ZNF521: variants seen among roughly 807,000 people sequenced by gnomAD.
The protein encoded by ZNF521 is LYST-interacting protein 3.
ZNF521 carries 14 observed loss-of-function variants against 105.5 expected under a neutral mutation model. That is an observed-to-expected ratio of 0.13 (90% CI 0.09 to 0.21). The LOEUF (loss-of-function observed/expected upper bound fraction) is 0.21. Among genes scored for constraint, ZNF521 ranks in the 10% least tolerant of loss-of-function variants. ZNF521 has a pLI of 1.00. For synonymous variants in ZNF521, 635 were observed against 606.0 expected (o/e 1.05, Z -0.70); for missense variants, 1,233 against 1,629.7 (o/e 0.76, Z 4.19).
intron 5 of ZNF521, among the ~76,000 whole-genome samples, chr18:25,168,052 G>C (rs184689125): frequency 6.6e-6 from 1 of 152,148 alleles, no homozygotes; most frequent in Non-Finnish European, 1.5e-5. Context: ...AAGAGACTCC[G>C]AGTCAGTCTT....
At chr18:25,068,967 G>A (rs764596534) in intron 7 of ZNF521, among the ~76,000 whole-genome samples, 1 of 152,126 alleles carries the variant, frequency 6.6e-6, no homozygotes, top group Non-Finnish European at 1.5e-5. Flanking sequence ...GACATATACC[G>A]CATTCTACCT....
chr18:25,344,305 A>C (rs2145217804), intron 2 of ZNF521, among the ~76,000 whole-genome samples: 1 of 152,106 alleles, frequency 6.6e-6, no homozygotes, highest in South Asian at 2.1e-4. Context: ...ACCATTTAAA[A>C]GCTTTCCTTA....
intron 4 of ZNF521, among the ~76,000 whole-genome samples, chr18:25,212,415 C>T (rs1442218963): frequency 2.8e-5 from 4 of 141,886 alleles, no homozygotes; most frequent in Admixed American, 7.3e-5. Context: ...GAGGCTGAGG[C>T]AGGAGAATCA....
intron 6 of ZNF521, among the ~76,000 whole-genome samples, chr18:25,091,394 A>C (rs951122542): frequency 1.3e-5 from 2 of 152,154 alleles, no homozygotes; most frequent in African/African-American, 4.8e-5. Flanking sequence ...TCTTCTTAAA[A>C]GTATAAGTGT....
intron 5 of ZNF521, among the ~76,000 whole-genome samples, chr18:25,120,306 G>A (rs1335370196): frequency 6.6e-6 from 1 of 152,190 alleles, no homozygotes; most frequent in Non-Finnish European, 1.5e-5. Context: ...GATCAGGCCA[G>A]GCATGGTGGC....
At chr18:25,268,471 A>C (rs1287783875) in intron 3 of ZNF521, among the ~76,000 whole-genome samples, 1 of 152,228 alleles carries the variant, frequency 6.6e-6, no homozygotes, top group Non-Finnish European at 1.5e-5. Flanking sequence ...ACCAAGACAC[A>C]TAATCGTCAG....
chr18:25,163,085 T>C (rs2035277944), intron 5 of ZNF521, among the ~76,000 whole-genome samples: 1 of 152,306 alleles, frequency 6.6e-6, no homozygotes, highest in African/African-American at 2.4e-5. Flanking sequence ...CATAGCTAGT[T>C]AGTAGCTGAA....
intron 5 of ZNF521, among the ~76,000 whole-genome samples, chr18:25,168,535 G>A (rs1272898301): frequency 6.6e-5 from 10 of 152,110 alleles, no homozygotes; most frequent in Non-Finnish European, 1.5e-4. Context: ...CCAACAAAAA[G>A]CAGTCCACAA....
At chr18:25,115,829 T>C (rs967276863) in intron 5 of ZNF521, among the ~76,000 whole-genome samples, 2 of 152,186 alleles carry the variant, frequency 1.3e-5, no homozygotes, top group Non-Finnish European at 2.9e-5. Context: ...AGGCTGGTTG[T>C]CTATTCAGCC....
At chr18:25,266,925 A>C (rs1425578067) in intron 3 of ZNF521, among the ~76,000 whole-genome samples, 2 of 152,160 alleles carry the variant, frequency 1.3e-5, no homozygotes, top group East Asian at 3.9e-4. Flanking sequence ...CCAGCTAGAC[A>C]GTACCGTTCA....
chr18:25,111,915 G>A (rs2034198732), intron 5 of ZNF521, among the ~76,000 whole-genome samples: 1 of 152,196 alleles, frequency 6.6e-6, no homozygotes, highest in Admixed American at 6.5e-5. Flanking sequence ...GCGGAGTAAT[G>A]GAATGCACAA....
chr18:25,222,964 A>G (rs1264470634), intron 4 of ZNF521, among the ~76,000 whole-genome samples: 1 of 152,220 alleles, frequency 6.6e-6, no homozygotes, highest in Non-Finnish European at 1.5e-5. Context: ...AAAACGCTAC[A>G]AAATATTCTT....
At chr18:25,334,910 A>C (rs1043217943) in intron 2 of ZNF521, among the ~76,000 whole-genome samples, 2 of 152,194 alleles carry the variant, frequency 1.3e-5, no homozygotes, top group Non-Finnish European at 2.9e-5. Context: ...TTTGTTTGTT[A>C]ATATGACAGT....
intron 3 of ZNF521, chr18:25,302,166 A>T (rs1911683208): frequency 6.6e-6 from 1 of 151,794 alleles, no homozygotes; most frequent in Non-Finnish European, 1.5e-5. Flanking sequence ...ATTTGCATGG[A>T]TTATCTAGTA....
At chr18:25,097,374 T>C (rs563383855) in intron 5 of ZNF521, among the ~76,000 whole-genome samples, 5 of 152,280 alleles carry the variant, frequency 3.3e-5, no homozygotes, top group Non-Finnish European at 7.4e-5. Flanking sequence ...AGATTAGTCA[T>C]TAAGCCCCCA....
At chr18:25,080,744 A>G (rs919255220) in intron 7 of ZNF521, among the ~76,000 whole-genome samples, 13 of 152,238 alleles carry the variant, frequency 8.5e-5, no homozygotes, top group Non-Finnish European at 8.8e-5. Flanking sequence ...ACAGCTGGAT[A>G]TGGAAGTGGT....
intron 4 of ZNF521, among the ~76,000 whole-genome samples, chr18:25,195,690 G>A (rs1481770533): frequency 6.6e-6 from 1 of 151,654 alleles, no homozygotes; most frequent in Non-Finnish European, 1.5e-5. Flanking sequence ...CGGCTAATAA[G>A]TTAAGATTCA....
intron 2 of ZNF521, 96 bp from the exon 3 acceptor site, chr18:25,322,283 T>G (rs1912972502): frequency 2.4e-6 from 3 of 1,275,798 alleles, no homozygotes; most frequent in Non-Finnish European, 3.4e-6. Flanking sequence ...AACACCATTT[T>G]CCTTGAAGTT....
chr18:25,231,102 CT>C (rs1488341685), intron 3 of ZNF521, among the ~76,000 whole-genome samples: 1 of 152,186 alleles, frequency 6.6e-6, no homozygotes, highest in East Asian at 1.9e-4. Flanking sequence ...CCTAATTTCG[CT>C]GGCTGGCCAC....
Sources: allele counts gnomAD v4.1 joint callset (sites outside exome capture counted in the v4.1 genomes callset), GRCh38; gene constraint gnomAD v4.1.1; transcripts MANE v1.5; gene names NCBI Gene and HGNC (gene_info 2026-07-23, HGNC 2026-07-21).